The following CHRM3 variants were observed in gnomAD, a reference collection of about 807,000 sequenced individuals.
CHRM3 encodes muscarinic acetylcholine receptor M3.
A neutral mutation model predicts 41.8 loss-of-function variants in CHRM3; 11 were observed. The observed-to-expected ratio is 0.26, with a 90% CI of 0.17 to 0.44. The LOEUF (loss-of-function observed/expected upper bound fraction) is 0.44. Among genes scored for constraint, CHRM3 ranks in the 20% least tolerant of loss-of-function variants. CHRM3 has a pLI of 1.00. For missense variants in CHRM3, 571 were observed against 745.4 expected (o/e 0.77, Z 2.72); for synonymous variants, 297 against 301.4 (o/e 0.99, Z 0.15).
At chr1:239,811,784 C>G (rs1671137016) in intron 5 of CHRM3, among the ~76,000 whole-genome samples, 1 of 151,980 alleles carries the variant, frequency 6.6e-6, no homozygotes, top group Non-Finnish European at 1.5e-5. Flanking sequence ...GGGGAAATTT[C>G]TAGGAGGAGA....
intron 1 of CHRM3, among the ~76,000 whole-genome samples, chr1:239,468,194 A>G (rs1665868569): frequency 6.6e-6 from 1 of 152,186 alleles, no homozygotes; most frequent in South Asian, 2.1e-4. Context: ...AGAAATGCTC[A>G]ATAGACTCTC....
intron 1 of CHRM3, among the ~76,000 whole-genome samples, chr1:239,415,104 A>G (rs1661392217): frequency 1.3e-5 from 2 of 152,226 alleles, no homozygotes; most frequent in Admixed American, 6.5e-5. Flanking sequence ...AACAAATCAC[A>G]TAGACAAAAT....
chr1:239,555,308 A>C (rs976798277), intron 3 of CHRM3, among the ~76,000 whole-genome samples: 1 of 152,198 alleles, frequency 6.6e-6, no homozygotes, highest in African/African-American at 2.4e-5. Context: ...GTCACATGGA[A>C]GTGTTCAGCT....
chr1:239,426,468 CAAAAA>C (rs11333335), intron 1 of CHRM3, among the ~76,000 whole-genome samples: 4 of 103,364 alleles, frequency 3.9e-5, no homozygotes, highest in African/African-American at 6.7e-5. Flanking sequence ...ACTCACCCCG[CAAAAA>C]AAAAAAAAAA....
At chr1:239,420,532 A>G (rs958239178) in intron 1 of CHRM3, among the ~76,000 whole-genome samples, 1 of 152,214 alleles carries the variant, frequency 6.6e-6, no homozygotes, top group African/African-American at 2.4e-5. Flanking sequence ...TGCAAACTTA[A>G]GAGTGTCAAT....
intron 1 of CHRM3, among the ~76,000 whole-genome samples, chr1:239,405,304 T>C (rs1572183187): frequency 1.3e-5 from 2 of 152,306 alleles, no homozygotes; most frequent in East Asian, 3.9e-4. Flanking sequence ...ACTGGTAGTT[T>C]ACTTGCTAGT....
intron 2 of CHRM3, among the ~76,000 whole-genome samples, chr1:239,496,544 T>C (rs1466589930): frequency 6.6e-6 from 1 of 151,294 alleles, no homozygotes; most frequent in Non-Finnish European, 1.5e-5. Flanking sequence ...TGTGTGTGTG[T>C]ATAATTATAT....
intron 2 of CHRM3, among the ~76,000 whole-genome samples, chr1:239,511,478 G>A (rs949079385): frequency 6.6e-6 from 1 of 152,126 alleles, no homozygotes. Context: ...AAAAACAAAA[G>A]TATCAAATGT....
At chr1:239,715,399 C>T (rs1423814525) in intron 5 of CHRM3, among the ~76,000 whole-genome samples, 1 of 152,054 alleles carries the variant, frequency 6.6e-6, no homozygotes, top group Non-Finnish European at 1.5e-5. Flanking sequence ...ACCAGGCCTC[C>T]AGAGGAGAAA....
intron 4 of CHRM3, among the ~76,000 whole-genome samples, chr1:239,660,863 A>G (rs774758345): frequency 7.9e-5 from 12 of 152,196 alleles, no homozygotes; most frequent in Non-Finnish European, 1.5e-4. Flanking sequence ...CCTGGGTGAC[A>G]GAGAGAGACT....
intron 5 of CHRM3, among the ~76,000 whole-genome samples, chr1:239,747,117 A>G (rs1665436616): frequency 6.6e-6 from 1 of 152,190 alleles, no homozygotes; most frequent in Admixed American, 6.5e-5. Context: ...AATTAAAGAA[A>G]TTACAAGAAA....
intron 3 of CHRM3, among the ~76,000 whole-genome samples, chr1:239,560,959 A>C (rs914331384): frequency 6.6e-6 from 1 of 152,102 alleles, no homozygotes; most frequent in Admixed American, 6.5e-5. Flanking sequence ...AGGCAAAAGC[A>C]TAGGTGTTAT....
intron 6 of CHRM3, among the ~76,000 whole-genome samples, chr1:239,856,531 C>T (rs912059246): frequency 6.6e-6 from 1 of 152,118 alleles, no homozygotes; most frequent in Non-Finnish European, 1.5e-5. Flanking sequence ...AACCATGCTT[C>T]CCGTGCAGCC....
chr1:239,582,179 T>C (rs1662963763), intron 3 of CHRM3, among the ~76,000 whole-genome samples: 1 of 152,206 alleles, frequency 6.6e-6, no homozygotes. Flanking sequence ...TATGGCCACC[T>C]ACTAGCTTTT....
intron 1 of CHRM3, among the ~76,000 whole-genome samples, chr1:239,396,254 C>T (rs553669408): frequency 1.2e-4 from 18 of 152,170 alleles, no homozygotes; most frequent in Middle Eastern, 3.4e-3. Context: ...TTGAAAGATG[C>T]TGTGTTTTGT....
chr1:239,694,953 C>G (rs1345053715), intron 5 of CHRM3, among the ~76,000 whole-genome samples: 1 of 151,536 alleles, frequency 6.6e-6, no homozygotes, highest in African/African-American at 2.4e-5. Flanking sequence ...AAAAATGAAC[C>G]ATAGAAATGA....
chr1:239,480,137 T>A (rs1029770812), intron 1 of CHRM3, among the ~76,000 whole-genome samples: 2 of 152,054 alleles, frequency 1.3e-5, no homozygotes, highest in Non-Finnish European at 2.9e-5. Context: ...GAGTATTAAA[T>A]AAGATATTAA....
At chr1:239,618,547 A>C (rs1667914806) in intron 3 of CHRM3, among the ~76,000 whole-genome samples, 1 of 151,910 alleles carries the variant, frequency 6.6e-6, no homozygotes, top group African/African-American at 2.4e-5. Context: ...CCTATCACTT[A>C]AAAGATAGTC....
At position 239,420,934 on chromosome 1, in the gene CHRM3, C is replaced by T. The variant is rs192967306; in HGVS notation, c.-521+33707C>T. 8.5e-5 allele frequency among the ~76,000 whole-genome samples: 13 copies of T among 152,210 alleles called. No homozygotes were observed. The East Asian group carries it at 2.3e-3, about 27-fold the overall frequency. ...GTGTGCTGGTCATTTCATAACTTATCAAATCTCTTACAAGTGATTCTCCTT... is the reference window on the plus strand; with the variant it reads ...GTGTGCTGGTCATTTCATAACTTATTAAATCTCTTACAAGTGATTCTCCTT... On this transcript the variant is annotated intron_variant, in intron 1 of 6. Transcript: ENST00000676153.
Sources: allele counts gnomAD v4.1 joint callset (sites outside exome capture counted in the v4.1 genomes callset), GRCh38; gene constraint gnomAD v4.1.1; transcripts MANE v1.5; gene names NCBI Gene and HGNC (gene_info 2026-07-23, HGNC 2026-07-21).